The following NTRK1 variants were observed in gnomAD, a reference collection of about 807,000 sequenced individuals.
The protein encoded by NTRK1 is neurotrophic receptor tyrosine kinase 1, also known as high affinity nerve growth factor receptor.
NTRK1 carries 62 observed loss-of-function variants against 86.8 expected under a neutral mutation model. The ratio of observed to expected loss-of-function variants is 0.71; its 90% CI spans 0.58 to 0.88. The LOEUF (loss-of-function observed/expected upper bound fraction) is 0.88, where lower values mean the gene tolerates loss of function less well. Among genes scored for constraint, NTRK1 ranks in the 40% least tolerant of loss-of-function variants. The pLI is 0.00. For missense variants in NTRK1, 967 were observed against 1,078.4 expected (o/e 0.90, Z 1.45); for synonymous variants, 469 against 456.6 (o/e 1.03, Z -0.35).
chr1:156,876,508 G>C lies in NTRK1; in HGVS notation c.1741G>C (p.Glu581Gln). ...CGTGCGCTTCTTCGGCGTCTGCACC[G>C]AGGGCCGCCCCCTGCTCATGGTCTT... ...HIVRFFGVCT[E>Q]GRPLLMVFEY... is the part of the protein sequence containing the mutation. Residue 581 changes from glutamate to glutamine, a missense_variant, in exon 14 of 17, where the codon GAG (glutamate) becomes CAG (glutamine). Physicochemically the swap from Glu to Gln is conservative, Grantham distance 29. This residue lies in a region of NTRK1 where 637 missense variants were observed against 776.5 expected (regional missense o/e 0.82). Coordinates refer to ENST00000524377, the MANE Select transcript of NTRK1 (RefSeq NM_002529.4). The C allele has an allele frequency of 1.2e-6, 2 of 1,613,644 alleles. No individual in the cohort carries two copies. The highest frequency in any genetic ancestry group is 1.7e-6 in the Non-Finnish European group (2 of 1,180,006).
chr1:156,878,381 G>C (rs1036264773), intron 14 of NTRK1, among the ~76,000 whole-genome samples: 8 of 152,186 alleles, frequency 5.3e-5, no homozygotes, highest in South Asian at 2.1e-4. Flanking sequence ...GTGCCTGCCA[G>C]GTGCCCCTCA....
intron 7 of NTRK1, among the ~76,000 whole-genome samples, chr1:156,873,018 A>AATGT (rs71593866): frequency 7.6e-6 from 1 of 130,954 alleles, no homozygotes; most frequent in African/African-American, 2.9e-5. Flanking sequence ...TTTCAAAAAG[A>AATGT]GTGTGTGTGT....
chr1:156,876,545 G>A lies in NTRK1; in HGVS notation c.1778G>A (p.Arg593Gln), dbSNP rs748133401. The change falls in exon 14 of 17, where the codon CGG becomes CAG. Residue 593 changes from arginine to glutamine, a missense_variant. Around this residue, in one of 2 missense-constraint regions of NTRK1, gnomAD observed 637 missense variants for 776.5 expected, o/e 0.82. Transcript: ENST00000524377. ...RPLLMVFEYM[R>Q]HGDLNRFLRS... ...CTGCTCATGGTCTTTGAGTATATGC[G>A]GCACGGGGACCTCAACCGCTTCCTC... 82 of 1,612,936 alleles carry A rather than the reference G, an allele frequency of 5.1e-5. No homozygotes were observed. Among genetic ancestry groups the A allele is most frequent in the Admixed American group, 2.8e-4 (17 of 59,982 alleles).
chr1:156,861,292 C>G (rs1040695184), intron 1 of NTRK1, 146 bp downstream of exon 1: 25 of 897,892 alleles, frequency 2.8e-5, no homozygotes, highest in Non-Finnish European at 3.9e-5. Context: ...GCTGCCCGGG[C>G]GTTCCTCCGC....
chr1:156,830,410 A>G (rs929688663), intron 1 of NTRK1, among the ~76,000 whole-genome samples: 3 of 152,144 alleles, frequency 2.0e-5, no homozygotes, highest in African/African-American at 7.2e-5. Flanking sequence ...GCTGGGAAAT[A>G]GCCTCTCTTA....
chr1:156,831,061 A>C (rs951401271), intron 1 of NTRK1, among the ~76,000 whole-genome samples: 5 of 152,166 alleles, frequency 3.3e-5, no homozygotes, highest in African/African-American at 1.2e-4. Context: ...GGGCCCTGAA[A>C]GGGCTCCCAA....
chr1:156,842,224 C>G (rs763736073), intron 2 of NTRK1: 1 of 1,613,944 alleles, frequency 6.2e-7, no homozygotes, highest in Admixed American at 1.7e-5. Flanking sequence ...TCTCACCAGC[C>G]ATTTGGATCA....
chr1:156,841,782 G>A, intron 1 of NTRK1: 1 of 1,614,144 alleles, frequency 6.2e-7, no homozygotes, highest in Non-Finnish European at 8.5e-7. Flanking sequence ...CACGTCCCGA[G>A]TCATCCCGAA....
upstream of NTRK1, chr1:156,858,674 G>A: frequency 6.7e-7 from 1 of 1,498,496 alleles, no homozygotes; most frequent in Non-Finnish European, 9.3e-7. Context: ...GTGACTCTGG[G>A]GAGAACGGTG....
intron 2 of NTRK1, chr1:156,846,538 G>A: frequency 6.2e-7 from 1 of 1,614,054 alleles, no homozygotes; most frequent in South Asian, 1.1e-5. Context: ...GCGTTCGGAG[G>A]TAGACGATGG....
At chr1:156,832,645 G>C (rs959128833) in intron 1 of NTRK1, among the ~76,000 whole-genome samples, 16 of 152,198 alleles carry the variant, frequency 1.1e-4, no homozygotes, top group African/African-American at 3.6e-4. Flanking sequence ...TGGGTGTGAA[G>C]GGGCAGGAGG....
chr1:156,832,690 C>A (rs1027641091), intron 1 of NTRK1, among the ~76,000 whole-genome samples: 1 of 152,118 alleles, frequency 6.6e-6, no homozygotes, highest in South Asian at 2.1e-4. Context: ...GGCCTGCCTG[C>A]GAGCTTTGTG....
chr1:156,855,033 C>G (rs1244533676), intron 2 of NTRK1, among the ~76,000 whole-genome samples: 1 of 152,122 alleles, frequency 6.6e-6, no homozygotes, highest in African/African-American at 2.4e-5. Context: ...ACTACTATAA[C>G]AAGCCAGCAA....
intron 2 of NTRK1, chr1:156,845,710 G>A: frequency 6.2e-7 from 1 of 1,613,714 alleles, no homozygotes; most frequent in Non-Finnish European, 8.5e-7. Context: ...ACCTGACCAG[G>A]AGGTGGGTGC....
At chr1:156,844,552 G>A (rs780592874) in intron 2 of NTRK1, 4 of 1,614,172 alleles carry the variant, frequency 2.5e-6, no homozygotes, top group Non-Finnish European at 1.7e-6. Context: ...TAGTTTCCAG[G>A]GGGCAGCAGG....
Position 156,875,627 on chromosome 1 carries a change from G to T in NTRK1, c.1462G>T (p.Gly488Cys). ...CGAGGGCAAAGGCTCTGGGCTCCAA[G>T]GCCACATCATCGAGAACCCACAATA... is the stretch of plus-strand genomic sequence containing the variant. Reference protein sequence around the residue: ...PTEGKGSGLQGHIIENPQYFS... With the variant: ...PTEGKGSGLQCHIIENPQYFS... The change falls in exon 12 of 17, where the codon GGC (glycine) becomes TGC (cysteine). Residue 488 changes from glycine to cysteine, a missense_variant. Gly to Cys is a radical substitution (Grantham distance 159). Coordinates refer to ENST00000524377, the MANE Select transcript of NTRK1 (RefSeq NM_002529.4). 6.2e-7 allele frequency: 1 copy of T among 1,613,632 alleles called. No individual in the cohort carries two copies.
intron 2 of NTRK1, chr1:156,851,747 C>A: frequency 6.2e-7 from 1 of 1,614,136 alleles, no homozygotes; most frequent in Non-Finnish European, 8.5e-7. Context: ...GCCTACCTTG[C>A]ACTCTTTAGG....
In NTRK1 at chr1:156,866,956, C is replaced by A. The variant is rs576386597; in HGVS notation, c.406C>A (p.Gln136Lys). ...ALESLSWKTV[Q>K]GLSLQELVLS... is the part of the protein sequence containing the mutation. ...GGAGTCTCTCTCCTGGAAAACTGTG[C>A]AGGGCCTCTCCTTACAGGAACTGTG... Residue 136 changes from glutamine (Q) to lysine (K), a missense_variant, in exon 4 of 17, where the codon CAG (glutamine) becomes AAG (lysine). By Grantham distance (53) the Gln-to-Lys change is moderately conservative (BLOSUM62 1). Transcript: ENST00000524377. The A allele has an allele frequency of 1.7e-5, 27 of 1,614,254 alleles. No individual in the cohort carries two copies. In the South Asian group the frequency reaches 2.5e-4, roughly 15 times the overall value.
chr1:156,843,788 C>T (rs1276514668), intron 2 of NTRK1, among the ~76,000 whole-genome samples: 1 of 152,232 alleles, frequency 6.6e-6, no homozygotes, highest in Non-Finnish European at 1.5e-5. Flanking sequence ...AAGGATCTGA[C>T]ATCAGGCATT....
Sources: allele counts gnomAD v4.1 joint callset (sites outside exome capture counted in the v4.1 genomes callset), GRCh38; gene constraint gnomAD v4.1.1; regional missense constraint gnomAD v4.1.1; transcripts MANE v1.5; gene names NCBI Gene and HGNC (gene_info 2026-07-23, HGNC 2026-07-21).